NOL9: variants seen among roughly 807,000 people sequenced by gnomAD.
NOL9 encodes polynucleotide 5'-hydroxyl-kinase NOL9.
A neutral mutation model predicts 67.9 loss-of-function variants in NOL9; 28 were observed. The observed-to-expected ratio is 0.41, with a 90% CI of 0.31 to 0.57. The LOEUF is 0.57. Ranked by LOEUF, NOL9 falls within the 20% of genes least tolerant of loss-of-function variation. The probability of loss-of-function intolerance (pLI) is 0.25; values close to 1 mark genes in which losing one functional copy is unlikely to be tolerated. For missense variants in NOL9, 777 were observed against 897.0 expected (o/e 0.87, Z 1.71); for synonymous variants, 356 against 352.2 (o/e 1.01, Z -0.12).
chr1:6,544,951 G>C (rs2148659975), intron 4 of NOL9, 29 bp from the exon 5 acceptor site: 1 of 1,614,214 alleles, frequency 6.2e-7, no homozygotes, highest in Non-Finnish European at 8.5e-7. Flanking sequence ...TTGATCGCTA[G>C]AATTAGCCGT....
intron 6 of NOL9, among the ~76,000 whole-genome samples, chr1:6,538,195 C>T (rs1390539748): frequency 6.6e-6 from 1 of 152,006 alleles, no homozygotes; most frequent in African/African-American, 2.4e-5. Context: ...AAAATAGATA[C>T]ACTGAACTTC....
At position 6,525,709 on chromosome 1, in the gene NOL9, T is replaced by C. The variant is rs1222906102; in HGVS notation, c.*145A>G. The C allele has an allele frequency of 7.3e-6, 6 of 816,572 alleles. No homozygotes were observed. Among genetic ancestry groups the C allele is most frequent in the African/African-American group, 1.7e-5 (1 of 58,410 alleles). The allele number at this position is 816,572 out of a possible 1,614,324, so 50.6% of individuals were successfully genotyped here. A position where few individuals can be genotyped will look rare whatever the true frequency, so the allele number is the denominator to read the frequency against. Reference sequence around the variant, plus strand: ...TTAAAAGAGAAACTTAAGACTACTATATGACATTCACGAATTACACAAAAA... The same window carrying C: ...TTAAAAGAGAAACTTAAGACTACTACATGACATTCACGAATTACACAAAAA... On this transcript the variant is annotated 3_prime_UTR_variant, in exon 12 of 12. Transcript: ENST00000377705.
chr1:6,545,157 A>T lies in NOL9; in HGVS notation c.768T>A (p.Pro256=). ...VQESPTPQIK[P]EYLALRSVGI... ...CAACAGACCTCAAGGCTAAATATTC[A>T]GGTTTAATCTGGGGAGTTGGACTCT... Residue 256 remains proline (P), a synonymous_variant, in exon 4 of 12, where the codon CCT becomes CCA. Coordinates refer to ENST00000377705, the MANE Select transcript of NOL9 (RefSeq NM_024654.5). 6.2e-7 allele frequency: 1 copy of T among 1,613,200 alleles called. No homozygotes were observed. Among genetic ancestry groups the T allele is most frequent in the Non-Finnish European group, 8.5e-7 (1 of 1,179,780 alleles).
chr1:6,522,384 T>C lies in NOL9; in HGVS notation c.*3470A>G, dbSNP rs1429996414. The C allele has an allele frequency of 6.6e-6, 1 of 151,086 alleles. No individual in the cohort carries two copies. Among genetic ancestry groups the C allele is most frequent in the Non-Finnish European group, 1.5e-5 (1 of 67,886 alleles). The allele number at this position is 151,086 out of a possible 1,614,324, so 9.4% of individuals were successfully genotyped here. A position where few individuals can be genotyped will look rare whatever the true frequency, so the allele number is the denominator to read the frequency against. ...GACCAATAAAGTGAAACGCCATCTC[T>C]ACTAAAAATACAAAAATTAGCTGGG... On this transcript the variant is annotated 3_prime_UTR_variant, in exon 12 of 12. Transcript: ENST00000377705.
At chr1:6,549,543 C>G (rs754062372) in intron 3 of NOL9, 28 bp downstream of exon 3, 5 of 1,609,832 alleles carry the variant, frequency 3.1e-6, no homozygotes, top group Admixed American at 3.4e-5. Context: ...AAGTAATTAG[C>G]AAAACTCTGA....
In NOL9 at chr1:6,525,041, G is replaced by A. The variant is rs965444893; in HGVS notation, c.*813C>T. On this transcript the variant is annotated 3_prime_UTR_variant, in exon 12 of 12. Transcript: ENST00000377705. ...GGCGTGAGCCACTGCGCCTGGCCCC[G>A]AGGTTTTCCAGATTTGAAAGAAATT... 2 of 151,704 alleles carry A rather than the reference G, an allele frequency of 1.3e-5. No homozygotes were observed. The highest frequency in any genetic ancestry group is 2.9e-5 in the Non-Finnish European group (2 of 67,924). 9.4% of individuals were successfully genotyped at this position (151,704 alleles called of 1,614,324 possible). A position where few individuals can be genotyped will look rare whatever the true frequency, so the allele number is the denominator to read the frequency against.
chr1:6,554,090 C>G lies in NOL9; in HGVS notation c.396+17G>C. 6.0e-6 allele frequency: 9 copies of G among 1,512,360 alleles called. No individual in the cohort carries two copies. Among genetic ancestry groups the G allele is most frequent in the Non-Finnish European group, 8.0e-6 (9 of 1,129,834 alleles). 93.7% of individuals were successfully genotyped at this position (1,512,360 alleles called of 1,614,324 possible). A position where few individuals can be genotyped will look rare whatever the true frequency, so the allele number is the denominator to read the frequency against. On this transcript the variant is annotated intron_variant, in intron 1 of 11. Coordinates refer to ENST00000377705, the MANE Select transcript of NOL9 (RefSeq NM_024654.5). The stretch of plus-strand genomic sequence containing the variant: ...CCTCCCTGCCCTCGGGGACTACTAC[C>G]GGCGCCCCCCACCTACCTGCTCGAC...
At chr1:6,549,404 A>G (rs1290343124) in intron 3 of NOL9, 167 bp downstream of exon 3, 1 of 674,298 alleles carries the variant, frequency 1.5e-6, no homozygotes, top group Non-Finnish European at 2.3e-6. Flanking sequence ...AACATTTTTC[A>G]CGATACACCT....
In NOL9 at chr1:6,525,851, G is replaced by C; in HGVS notation, c.*3C>G. The C allele has an allele frequency of 6.2e-7, 1 of 1,613,836 alleles. No homozygotes were observed. Among genetic ancestry groups the C allele is most frequent in the South Asian group, 1.1e-5 (1 of 91,076 alleles). On this transcript the variant is annotated 3_prime_UTR_variant, in exon 12 of 12. Transcript: ENST00000377705. ...GTTTCTTCCCTTATTAAAAACGCGA[G>C]CATCACTTCATTTTTCGACAGAACT...
intron 2 of NOL9, 136 bp from the exon 3 acceptor site, chr1:6,549,834 C>A: frequency 3.0e-6 from 3 of 1,001,734 alleles, no homozygotes; most frequent in Admixed American, 2.5e-5. Flanking sequence ...TTTCAGGGGG[C>A]CGTACTACAT....
At position 6,553,322 on chromosome 1, in the gene NOL9, G is replaced by A. The variant is rs143064423; in HGVS notation, c.396+785C>T. On this transcript the variant is annotated intron_variant, in intron 1 of 11. Coordinates refer to ENST00000377705, the MANE Select transcript of NOL9 (RefSeq NM_024654.5). ...GGGAATCTCCAGGAATGGCATCCAC[G>A]TTAAGAATCAGGCTGCCTGAGTTCG... 2.0e-3 allele frequency among the ~76,000 whole-genome samples: 297 copies of A among 152,144 alleles called. 1 individual carries two copies. The highest frequency in any genetic ancestry group is 6.9e-3 in the African/African-American group (287 of 41,532).
chr1:6,527,341 G>A (rs1281523895), intron 10 of NOL9, among the ~76,000 whole-genome samples: 1 of 151,748 alleles, frequency 6.6e-6, no homozygotes, highest in Non-Finnish European at 1.5e-5. Flanking sequence ...GAACAAAAAT[G>A]GTCTACATGC....
In NOL9 at chr1:6,532,003, G is replaced by C; in HGVS notation, c.1612C>G (p.Pro538Ala). The C allele has an allele frequency of 6.2e-7, 1 of 1,614,150 alleles. No homozygotes were observed. The highest frequency in any genetic ancestry group is 8.5e-7 in the Non-Finnish European group (1 of 1,179,990). Residue 538 changes from proline to alanine, a missense_variant, in exon 9 of 12, where the codon CCA becomes GCA. Around this residue, in one of 2 missense-constraint regions of NOL9, gnomAD observed 413 missense variants for 552.6 expected, o/e 0.75. Coordinates refer to ENST00000377705, the MANE Select transcript of NOL9 (RefSeq NM_024654.5). ...LSQLQPPMPK[P>A]LSPLHSLTPY... is the part of the protein sequence containing the mutation. ...GTCAGGCTATGTAAAGGAGAAAGTG[G>C]TTTGGGCATCGGGGGCTGCAGCTGG...
intron 6 of NOL9, among the ~76,000 whole-genome samples, chr1:6,533,990 C>A (rs1411690142): frequency 4.6e-5 from 7 of 151,918 alleles, no homozygotes. Context: ...CAGGTTCAAG[C>A]GATTCTCCTG....
intron 6 of NOL9, among the ~76,000 whole-genome samples, chr1:6,535,811 C>A (rs1010585623): frequency 1.3e-5 from 2 of 151,828 alleles, no homozygotes; most frequent in African/African-American, 4.8e-5. Context: ...GCCTGTAATC[C>A]CAGCTACTTG....
chr1:6,526,684 G>A lies in NOL9; in HGVS notation c.1959+12C>T. ...AGGCTCCTTCCAGGGCTGTGCCCGG[G>A]GGAAGGCTCACCTGGCACTTAAGGA... On this transcript the variant is annotated intron_variant, in intron 11 of 11. Transcript: ENST00000377705. 6.2e-7 allele frequency: 1 copy of A among 1,606,290 alleles called. No individual in the cohort carries two copies. Among genetic ancestry groups the A allele is most frequent in the African/African-American group, 1.3e-5 (1 of 74,790 alleles).
At chr1:6,537,757 G>C (rs948775953) in intron 6 of NOL9, among the ~76,000 whole-genome samples, 1 of 152,006 alleles carries the variant, frequency 6.6e-6, no homozygotes, top group African/African-American at 2.4e-5. Flanking sequence ...ATATTCAAAA[G>C]AAAGAAGCTG....
chr1:6,541,944 A>G lies in NOL9; in HGVS notation c.978-17T>C. On this transcript the variant is annotated splice_polypyrimidine_tract_variant and intron_variant, in intron 5 of 11. Coordinates refer to ENST00000377705, the MANE Select transcript of NOL9 (RefSeq NM_024654.5). Reference sequence around the variant, plus strand: ...CAGGGAAGACTGCAAATTTTTAAAAAAGAAAAAAGAAAGAAAATCCTAACT... The same window carrying G: ...CAGGGAAGACTGCAAATTTTTAAAAGAGAAAAAAGAAAGAAAATCCTAACT... 1 of 1,512,798 alleles carries G rather than the reference A, an allele frequency of 6.6e-7. No individual in the cohort carries two copies. Among genetic ancestry groups the G allele is most frequent in the South Asian group, 1.2e-5 (1 of 81,824 alleles). 93.7% of individuals were successfully genotyped at this position (1,512,798 alleles called of 1,614,324 possible).
intron 6 of NOL9, among the ~76,000 whole-genome samples, chr1:6,538,129 T>C (rs544210351): frequency 1.3e-5 from 2 of 151,840 alleles, no homozygotes; most frequent in South Asian, 2.1e-4. Context: ...CATGATGACA[T>C]TGGATTTAGT....
Sources: allele counts gnomAD v4.1 joint callset (sites outside exome capture counted in the v4.1 genomes callset), GRCh38; gene constraint gnomAD v4.1.1; regional missense constraint gnomAD v4.1.1; transcripts MANE v1.5; gene names NCBI Gene and HGNC (gene_info 2026-07-23, HGNC 2026-07-21).